TMOD1: variants seen among roughly 807,000 people sequenced by gnomAD.
TMOD1 encodes tropomodulin-1.
TMOD1 carries 17 observed loss-of-function variants against 40.6 expected under a neutral mutation model. That is an observed-to-expected ratio of 0.42 (90% CI 0.29 to 0.63). TMOD1 has a LOEUF of 0.63. TMOD1 is among the 20% of genes least tolerant of loss of function. TMOD1 has a pLI of 0.22. For missense variants in TMOD1, 391 were observed against 447.6 expected (o/e 0.87, Z 1.14); for synonymous variants, 181 against 175.0 (o/e 1.03, Z -0.27).
chr9:97,580,929 C>T (rs1432322164), intron 8 of TMOD1, among the ~76,000 whole-genome samples: 2 of 123,698 alleles, frequency 1.6e-5, no homozygotes, highest in African/African-American at 6.6e-5. Context: ...TATTATGTAA[C>T]CATTTTGGAC....
At chr9:97,559,596 C>T (rs10982730) in intron 4 of TMOD1, among the ~76,000 whole-genome samples, 33,297 of 149,732 alleles carry the variant, frequency 0.22, 4,191 homozygotes, top group Middle Eastern at 0.36. Flanking sequence ...GAAACCCCGT[C>T]TCTACTAAAA....
chr9:97,537,922 T>C (rs1309749198), intron 2 of TMOD1, among the ~76,000 whole-genome samples: 5 of 152,238 alleles, frequency 3.3e-5, no homozygotes, highest in Non-Finnish European at 7.3e-5. Context: ...TGTGGCATAA[T>C]GGCAGTTTAT....
At chr9:97,551,484 T>C (rs933264353) in intron 3 of TMOD1, among the ~76,000 whole-genome samples, 5 of 152,250 alleles carry the variant, frequency 3.3e-5, no homozygotes, top group African/African-American at 1.2e-4. Context: ...TGAATGCACC[T>C]TGCACCCTAG....
chr9:97,585,869 C>A (rs1257743902), intron 8 of TMOD1, among the ~76,000 whole-genome samples: 1 of 136,950 alleles, frequency 7.3e-6, no homozygotes, highest in Non-Finnish European at 1.6e-5. Context: ...CTCCTTTAAG[C>A]ACTTCTCTGT....
Position 97,599,600 on chromosome 9 carries a change from A to G in TMOD1, c.1016-34A>G, listed in dbSNP as rs201514508. 8.1e-6 allele frequency: 13 copies of G among 1,613,642 alleles called. No homozygotes were observed. In the Admixed American group the frequency reaches 2.0e-4, roughly 25 times the overall value. On this transcript the variant is annotated intron_variant, in intron 9 of 9. Transcript: ENST00000259365. The stretch of plus-strand genomic sequence containing the variant: ...GTGCTGGCCCCTGGTCTACAGGGAA[A>G]AGTGCCTTATATCTTATCTCCATTC...
rs1487130451 is a variant in TMOD1, at chr9:97,600,591, A to G, written c.*893A>G. 1 of 986,204 alleles carries G rather than the reference A, an allele frequency of 1.0e-6. No individual in the cohort carries two copies. Among genetic ancestry groups the G allele is most frequent in the African/African-American group, 1.7e-5 (1 of 57,240 alleles). 61.1% of individuals were successfully genotyped at this position (986,204 alleles called of 1,614,324 possible). Reference sequence around the variant, plus strand: ...ACTAGAGGGATAAATTTCCAGATCAACATGGCTATGGTATTTAGTAATGGC... The same window carrying G: ...ACTAGAGGGATAAATTTCCAGATCAGCATGGCTATGGTATTTAGTAATGGC... On this transcript the variant is annotated 3_prime_UTR_variant, in exon 10 of 10. Coordinates refer to ENST00000259365, the MANE Select transcript of TMOD1 (RefSeq NM_003275.4).
chr9:97,538,840 CAA>C (rs532196976), intron 2 of TMOD1, among the ~76,000 whole-genome samples: 6 of 127,042 alleles, frequency 4.7e-5, no homozygotes, highest in Non-Finnish European at 3.5e-5. Flanking sequence ...ACTAAAAATA[CAA>C]AAAAAAAAAA....
intron 8 of TMOD1, among the ~76,000 whole-genome samples, chr9:97,579,932 A>G (rs1269877806): frequency 6.6e-6 from 1 of 152,218 alleles, no homozygotes; most frequent in African/African-American, 2.4e-5. Context: ...GGAGGCTAAA[A>G]GCATTCCACA....
rs1247733264 is a variant in TMOD1, at chr9:97,553,484, C to T, written c.397+84C>T. 2.6e-6 allele frequency: 4 copies of T among 1,548,032 alleles called. No homozygotes were observed. In the East Asian group the frequency reaches 9.1e-5, roughly 35 times the overall value. On this transcript the variant is annotated intron_variant, in intron 4 of 9. Transcript: ENST00000259365. Reference sequence around the variant, plus strand: ...GGGAGCCTTGTAGGGCTCATTTCAGCATGAACACCTTCTCTATTTCTAACA... The same window carrying T: ...GGGAGCCTTGTAGGGCTCATTTCAGTATGAACACCTTCTCTATTTCTAACA...
At chr9:97,548,461 A>T (rs781099725) in intron 3 of TMOD1, among the ~76,000 whole-genome samples, 9 of 152,236 alleles carry the variant, frequency 5.9e-5, no homozygotes, top group Non-Finnish European at 1.5e-5. Flanking sequence ...AGGGGGTGGC[A>T]GGAGAGAAGG....
chr9:97,601,537 C>A lies in TMOD1; in HGVS notation c.*1839C>A. The A allele has an allele frequency of 1.0e-6, 1 of 989,426 alleles. No homozygotes were observed. The highest frequency in any genetic ancestry group is 1.2e-6 in the Non-Finnish European group (1 of 832,362). 61.3% of individuals were successfully genotyped at this position (989,426 alleles called of 1,614,324 possible). A position where few individuals can be genotyped will look rare whatever the true frequency, so the allele number is the denominator to read the frequency against. On this transcript the variant is annotated 3_prime_UTR_variant, in exon 10 of 10. Transcript: ENST00000259365. ...CCAAACCAACAGAAAATGAAGAAGGCCACATCTTTAAGGCCACCTCTGCCT... is the reference window on the plus strand; with the variant it reads ...CCAAACCAACAGAAAATGAAGAAGGACACATCTTTAAGGCCACCTCTGCCT...
rs1309350567 is a variant in TMOD1 at position 97,513,833 on chromosome 9, A to G, written c.-48-10308A>G. On this transcript the variant is annotated intron_variant, in intron 1 of 9. Coordinates refer to ENST00000259365, the MANE Select transcript of TMOD1 (RefSeq NM_003275.4). The surrounding 1 kb of genome is among the most constrained non-coding windows in gnomAD (Gnocchi z 4.1). ...GGCAATGCTCCTTCTGCCATTGCAC[A>G]GTGGCCCTAGTGTCCTCGAGACCCC... 2 of 152,222 alleles carry G rather than the reference A, an allele frequency of 1.3e-5. No individual in the cohort carries two copies. The highest frequency in any genetic ancestry group is 4.8e-5 in the African/African-American group (2 of 41,462). The allele number at this position is 152,222 out of a possible 1,614,324, so 9.4% of individuals were successfully genotyped here.
At chr9:97,522,663 G>A (rs1829935713) in intron 1 of TMOD1, among the ~76,000 whole-genome samples, 1 of 152,130 alleles carries the variant, frequency 6.6e-6, no homozygotes, top group African/African-American at 2.4e-5. Flanking sequence ...CTGGGCTAAA[G>A]CGATCCTCCC....
At chr9:97,561,940 A>G (rs1291337099) in intron 4 of TMOD1, among the ~76,000 whole-genome samples, 1 of 151,890 alleles carries the variant, frequency 6.6e-6, no homozygotes, top group Non-Finnish European at 1.5e-5. Context: ...TTCCTCTACC[A>G]CACTCAGCAT....
intron 2 of TMOD1, among the ~76,000 whole-genome samples, chr9:97,532,105 T>C (rs1451643436): frequency 1.3e-5 from 2 of 152,194 alleles, no homozygotes; most frequent in African/African-American, 4.8e-5. Flanking sequence ...TGATTCTCCT[T>C]TGTAACACAA....
chr9:97,508,057 TCACACACACACACACA>T (rs56669574), intron 1 of TMOD1, among the ~76,000 whole-genome samples: 97 of 132,076 alleles, frequency 7.3e-4, no homozygotes, highest in South Asian at 4.1e-3. Context: ...TCTTCCTGAT[TCACACACACACACACA>T]CACACACACA....
At chr9:97,576,324 A>G (rs1331061793) in intron 8 of TMOD1, among the ~76,000 whole-genome samples, 1 of 152,164 alleles carries the variant, frequency 6.6e-6, no homozygotes, top group Non-Finnish European at 1.5e-5. Flanking sequence ...ACGTGCCTGT[A>G]GTCCTAGCTA....
intron 1 of TMOD1, among the ~76,000 whole-genome samples, chr9:97,508,008 G>A (rs1829617665): frequency 6.6e-6 from 1 of 151,470 alleles, no homozygotes; most frequent in South Asian, 2.1e-4. Flanking sequence ...CCTTTGGGGG[G>A]CCTTAAATAG....
chr9:97,534,556 A>G (rs986439344), intron 2 of TMOD1, among the ~76,000 whole-genome samples: 4 of 152,246 alleles, frequency 2.6e-5, no homozygotes, highest in African/African-American at 7.2e-5. Context: ...GGCTTGGGAC[A>G]GCAGGTGCAA....
Sources: gnomAD v4.1 joint callset for allele counts (sites outside exome capture counted in the v4.1 genomes callset) on GRCh38, gnomAD v4.1.1 for gene constraint, Gnocchi (gnomAD v3.1) non-coding constraint, MANE v1.5 for transcripts, NCBI Gene and HGNC (gene_info 2026-07-23, HGNC 2026-07-21) for gene names.